Variants in SPTA1 observed in about 807,000 individuals in gnomAD.
The protein encoded by SPTA1 is spectrin alpha chain, erythrocytic 1.
SPTA1 carries 177 observed loss-of-function variants against 324.7 expected under a neutral mutation model. The observed-to-expected ratio is 0.55, with a 90% confidence interval of 0.48 to 0.62. SPTA1 has a LOEUF of 0.62. Among genes scored for constraint, SPTA1 ranks in the 20% least tolerant of loss-of-function variants. SPTA1 has a pLI of 0.00. For synonymous variants in SPTA1, 1,195 were observed against 1,041.3 expected (o/e 1.15, Z -2.84); for missense variants, 3,162 against 2,883.6 (o/e 1.10, Z -2.21).
intron 14 of SPTA1, 29 bp downstream of exon 14, chr1:158,669,379 T>A (rs2101908576): frequency 6.2e-7 from 1 of 1,613,898 alleles, no homozygotes; most frequent in African/African-American, 1.3e-5. Context: ...TCCTGATAAC[T>A]ACATCCAGCT....
intron 38 of SPTA1, among the ~76,000 whole-genome samples, chr1:158,635,066 C>A (rs750011831): frequency 8.8e-5 from 12 of 136,270 alleles, no homozygotes; most frequent in Admixed American, 7.0e-4. Flanking sequence ...GTGCCAGAAT[C>A]TTCCTTTTAG....
At chr1:158,611,482 T>A (rs909177125) in intron 51 of SPTA1, 93 bp from the exon 52 acceptor site, 19 of 1,487,626 alleles carry the variant, frequency 1.3e-5, no homozygotes, top group East Asian at 9.2e-5. Flanking sequence ...ATGCAGGAGA[T>A]GGAGAGTCTC....
intron 3 of SPTA1, 147 bp downstream of exon 3, chr1:158,683,224 T>A: frequency 2.7e-6 from 3 of 1,125,536 alleles, no homozygotes; most frequent in Non-Finnish European, 3.9e-6. Context: ...TATCCCATCA[T>A]TTTTTATGCC....
At chr1:158,665,221 AC>A (rs1653506183) in intron 16 of SPTA1, among the ~76,000 whole-genome samples, 2 of 152,078 alleles carry the variant, frequency 1.3e-5, no homozygotes, top group African/African-American at 4.8e-5. Flanking sequence ...AACAAATTAT[AC>A]CCTTCCATCC....
rs1309428508 is a variant in SPTA1 at position 158,648,514 on chromosome 1, C to T, written c.3709G>A (p.Asp1237Asn). The change falls in exon 26 of 52, where the codon GAT (aspartate) becomes AAT (asparagine). Residue 1237 changes from aspartate to asparagine, a missense_variant. Asp to Asn is a conservative substitution (Grantham distance 23, BLOSUM62 1). Transcript: ENST00000643759. ...CTTTGAAGGACTTGTCTCACCTTAT[C>T]TCCCAGGGGTACGAGGTCCCTTTCA... ...GFERDLVPLG[D>N]KVTILGETAE... 3.7e-6 allele frequency: 6 copies of T among 1,613,926 alleles called. No homozygotes were observed. The highest frequency in any genetic ancestry group is 4.2e-6 in the Non-Finnish European group (5 of 1,179,884).
chr1:158,665,748 T>TA (rs1404145287), intron 16 of SPTA1, among the ~76,000 whole-genome samples: 3 of 152,088 alleles, frequency 2.0e-5, no homozygotes, highest in Admixed American at 6.6e-5. Flanking sequence ...TTCCTTATTT[T>TA]AAAAAAATGT....
At chr1:158,670,065 G>A (rs1477273248) in intron 12 of SPTA1, among the ~76,000 whole-genome samples, 2 of 152,166 alleles carry the variant, frequency 1.3e-5, no homozygotes, top group Non-Finnish European at 1.5e-5. Flanking sequence ...ATTTATTCTT[G>A]TCTTCAAGGG....
chr1:158,627,008 C>A lies in SPTA1; in HGVS notation c.5665-1G>T. ...TGTTCTGACTTTCCTCCTGCAACAC[C>A]TGTGAGAAGGGGAGAGACAAATATA... is the stretch of plus-strand genomic sequence containing the variant. On this transcript the variant is annotated splice_acceptor_variant, in intron 40 of 51. Coordinates refer to ENST00000643759, the MANE Select transcript of SPTA1 (RefSeq NM_003126.4). LOFTEE classifies it high-confidence loss of function. The A allele has an allele frequency of 6.2e-7, 1 of 1,613,696 alleles. No individual in the cohort carries two copies. Among genetic ancestry groups the A allele is most frequent in the Non-Finnish European group, 8.5e-7 (1 of 1,179,688 alleles).
chr1:158,629,014 A>C (rs1004112333), intron 39 of SPTA1, among the ~76,000 whole-genome samples: 1 of 151,998 alleles, frequency 6.6e-6, no homozygotes, highest in Non-Finnish European at 1.5e-5. Context: ...ATTAATACCA[A>C]TTATTCTCAA....
In SPTA1 at chr1:158,615,328, C is replaced by T. The variant is rs766070401; in HGVS notation, c.6676G>A (p.Ala2226Thr). Residue 2226 changes from alanine to threonine, a missense_variant, in exon 48 of 52, where the codon GCT becomes ACT. Transcript: ENST00000643759. ...CTGTATTTGATATCAAGGATCAGAG[C>T]GTCTTCCAAGTTGTCCCCCAGGTCC... ...IVDLGDNLED[A>T]LILDIKYSTI... 3 of 1,614,074 alleles carry T rather than the reference C, an allele frequency of 1.9e-6. No homozygotes were observed. Among genetic ancestry groups the T allele is most frequent in the South Asian group, 1.1e-5 (1 of 91,082 alleles).
intron 11 of SPTA1, among the ~76,000 whole-genome samples, chr1:158,671,709 C>T (rs1347214798): frequency 6.6e-6 from 1 of 152,138 alleles, no homozygotes; most frequent in Non-Finnish European, 1.5e-5. Flanking sequence ...TTATTCTGAG[C>T]TCTCAAAACT....
chr1:158,664,539 A>G (rs1279979281), intron 16 of SPTA1, among the ~76,000 whole-genome samples: 1 of 152,070 alleles, frequency 6.6e-6, no homozygotes, highest in Non-Finnish European at 1.5e-5. Flanking sequence ...GGACTTAAAT[A>G]CCTAATGCAT....
At position 158,612,642 on chromosome 1, in the gene SPTA1, G is replaced by T. The variant is rs192757673; in HGVS notation, c.7134+175C>A. 2,473 of 672,428 alleles carry T rather than the reference G, an allele frequency of 3.7e-3. 37 individuals carry two copies. Among genetic ancestry groups the T allele is most frequent in the East Asian group, 2.6e-3 (92 of 36,022 alleles). The allele number at this position is 672,428 out of a possible 1,614,324, so 41.7% of individuals were successfully genotyped here. A position where few individuals can be genotyped will look rare whatever the true frequency, so the allele number is the denominator to read the frequency against. On this transcript the variant is annotated intron_variant, in intron 51 of 51. Coordinates refer to ENST00000643759, the MANE Select transcript of SPTA1 (RefSeq NM_003126.4). ...CAATAGAGTACCACAGTACGTTTTT[G>T]AGTTGGGTCAAGACAAAATGAAGTG... is the stretch of plus-strand genomic sequence containing the variant.
At position 158,619,224 on chromosome 1, in the gene SPTA1, G is replaced by C; in HGVS notation, c.6528C>G (p.Thr2176=). ...ASTFLQWILE[T]RAYFLDGSLL... ...GTTTGGGATGTAGCATAGCACACCT[G>C]GTTTCCAGGATCCATTGAAGGAAGG... The change falls in exon 45 of 52, where the codon ACC becomes ACG. Residue 2176 remains threonine, a splice_region_variant and synonymous_variant. Coordinates refer to ENST00000643759, the MANE Select transcript of SPTA1 (RefSeq NM_003126.4). 6.2e-7 allele frequency: 1 copy of C among 1,613,836 alleles called. No homozygotes were observed. The highest frequency in any genetic ancestry group is 8.5e-7 in the Non-Finnish European group (1 of 1,179,770).
chr1:158,626,293 A>C lies in SPTA1; in HGVS notation c.5834-71T>G. Reference sequence around the variant, plus strand: ...TTGAGTCCTGGGAAGCAGAAAAGGAATATTTACAACACACAACAAGAAAGC... The same window carrying C: ...TTGAGTCCTGGGAAGCAGAAAAGGACTATTTACAACACACAACAAGAAAGC... On this transcript the variant is annotated intron_variant, in intron 41 of 51. Coordinates refer to ENST00000643759, the MANE Select transcript of SPTA1 (RefSeq NM_003126.4). 5 of 1,402,252 alleles carry C rather than the reference A, an allele frequency of 3.6e-6. No homozygotes were observed. The South Asian group carries it at 5.9e-5, about 17-fold the overall frequency. The allele number at this position is 1,402,252 out of a possible 1,614,324, so 86.9% of individuals were successfully genotyped here.
intron 15 of SPTA1, among the ~76,000 whole-genome samples, 175 bp downstream of exon 15, chr1:158,667,683 G>A (rs181836252): frequency 3.9e-5 from 6 of 152,186 alleles, no homozygotes; most frequent in African/African-American, 1.2e-4. Flanking sequence ...AATATATAGT[G>A]TTATAAATTC....
chr1:158,673,806 A>G (rs1380332055), intron 10 of SPTA1, among the ~76,000 whole-genome samples: 1 of 152,220 alleles, frequency 6.6e-6, no homozygotes, highest in African/African-American at 2.4e-5. Context: ...ATGAGGAAGC[A>G]CACATCATGT....
chr1:158,671,749 G>C (rs16840511), intron 11 of SPTA1, among the ~76,000 whole-genome samples: 2,697 of 152,190 alleles, frequency 0.018, 205 homozygotes, highest in Admixed American at 0.13. Flanking sequence ...CCTCCACTCT[G>C]ATGTACCCTG....
At chr1:158,680,354 A>C (rs1250449242) in intron 5 of SPTA1, among the ~76,000 whole-genome samples, 1 of 152,066 alleles carries the variant, frequency 6.6e-6, no homozygotes, top group Non-Finnish European at 1.5e-5. Context: ...TTCTCCAAAC[A>C]CACAAAAACA....
Sources: gnomAD v4.1 joint callset for allele counts (sites outside exome capture counted in the v4.1 genomes callset) on GRCh38, gnomAD v4.1.1 for gene constraint, MANE v1.5 for transcripts, NCBI Gene and HGNC (gene_info 2026-07-23, HGNC 2026-07-21) for gene names.